Variants in SFMBT1 observed in about 807,000 individuals in gnomAD.
SFMBT1 encodes the protein Scm like with four mbt domains 1, also known as scm-like with four MBT domains protein 1.
In SFMBT1, 32 loss-of-function variants were observed where a neutral mutation model predicts 108.7. The ratio of observed to expected loss-of-function variants is 0.29; its 90% CI spans 0.22 to 0.40. The LOEUF is 0.40. Ranked by LOEUF, SFMBT1 falls within the 10% of genes least tolerant of loss-of-function variation. The probability of loss-of-function intolerance (pLI) is 1.00; values close to 1 mark genes in which losing one functional copy is unlikely to be tolerated. For synonymous variants in SFMBT1, 348 were observed against 369.5 expected, an observed-to-expected ratio of 0.94 and a Z score of 0.67; for missense variants, 816 against 1,059.6, an observed-to-expected ratio of 0.77 and a Z score of 3.19.
At chr3:52,917,757 G>C (rs978639406) in intron 13 of SFMBT1, among the ~76,000 whole-genome samples, 6 of 152,086 alleles carry the variant, frequency 3.9e-5, no homozygotes, top group Non-Finnish European at 7.4e-5. Flanking sequence ...ATGCCCCTTA[G>C]GATAATCTAA....
chr3:52,929,215 T>C (rs1700202286), intron 8 of SFMBT1, among the ~76,000 whole-genome samples: 1 of 152,122 alleles, frequency 6.6e-6, no homozygotes, highest in African/African-American at 2.4e-5. Flanking sequence ...CCTAGCCCAG[T>C]TTCAAATGCC....
intron 2 of SFMBT1, among the ~76,000 whole-genome samples, chr3:52,963,439 G>A (rs1035112891): frequency 2.6e-5 from 4 of 151,330 alleles, no homozygotes; most frequent in African/African-American, 9.7e-5. Flanking sequence ...ATTCCTTTAA[G>A]TAATGTTATT....
chr3:53,044,295 C>A (rs1167778903), intron 1 of SFMBT1, among the ~76,000 whole-genome samples: 2 of 152,102 alleles, frequency 1.3e-5, no homozygotes, highest in Non-Finnish European at 2.9e-5. Context: ...ACTGAAAGCA[C>A]CCCCAAACAT....
rs1036543756 is a variant in SFMBT1, at chr3:52,904,915, G to C, written c.*221C>G. The C allele has an allele frequency of 8.6e-6, 4 of 462,638 alleles. No homozygotes were observed. Among genetic ancestry groups the C allele is most frequent in the Middle Eastern group, 5.5e-4 (1 of 1,814 alleles). 28.7% of individuals were successfully genotyped at this position (462,638 alleles called of 1,614,324 possible). On this transcript the variant is annotated 3_prime_UTR_variant, in exon 21 of 21. Coordinates refer to ENST00000394752, the MANE Select transcript of SFMBT1 (RefSeq NM_016329.4). ...CTTTATTTTTTAAAAACTGCCATCT[G>C]CTGAACAAGAGATGTCCACATTTCC...
intron 4 of SFMBT1, among the ~76,000 whole-genome samples, chr3:52,940,799 A>G (rs763106075): frequency 6.6e-6 from 1 of 152,236 alleles, no homozygotes; most frequent in Non-Finnish European, 1.5e-5. Flanking sequence ...CTTTACGATG[A>G]AAAAACTTGG....
intron 1 of SFMBT1, among the ~76,000 whole-genome samples, chr3:53,011,150 G>A (rs953488491): frequency 2.6e-5 from 4 of 152,204 alleles, no homozygotes; most frequent in Non-Finnish European, 5.9e-5. Context: ...AGAGTTAACT[G>A]TGGGTCAAAA....
At chr3:52,964,833 T>C (rs1298955366) in intron 2 of SFMBT1, among the ~76,000 whole-genome samples, 3 of 152,190 alleles carry the variant, frequency 2.0e-5, no homozygotes, top group Admixed American at 6.5e-5. Context: ...TAGAATTTGA[T>C]CATCAAATGA....
chr3:52,938,359 T>C (rs1301748301), intron 4 of SFMBT1, among the ~76,000 whole-genome samples: 1 of 152,180 alleles, frequency 6.6e-6, no homozygotes, highest in Non-Finnish European at 1.5e-5. Context: ...GTAGTTTTTT[T>C]TACTATGTGA....
intron 15 of SFMBT1, 49 bp from the exon 16 acceptor site, chr3:52,912,696 G>T: frequency 7.3e-7 from 1 of 1,366,370 alleles, no homozygotes; most frequent in South Asian, 1.2e-5. Context: ...GAGAAAAGCA[G>T]ACCATTAGAA....
chr3:52,943,398 T>C lies in SFMBT1; in HGVS notation c.319A>G (p.Ile107Val). 1.2e-6 allele frequency: 2 copies of C among 1,614,214 alleles called. No individual in the cohort carries two copies. Among genetic ancestry groups the C allele is most frequent in the South Asian group, 1.1e-5 (1 of 91,090 alleles). Residue 107 changes from isoleucine (I) to valine (V), a missense_variant, in exon 4 of 21, where the codon ATT (isoleucine) becomes GTT (valine). Transcript: ENST00000394752. ...TTCTTATTCTGCTCACACCACCCAA[T>C]GGGGTAGAGATCAGCCTTCCTGATG... ...CDIRKADLYP[I>V]GWCEQNKKTL...
intron 1 of SFMBT1, among the ~76,000 whole-genome samples, chr3:53,039,433 T>TA (rs1477640856): frequency 6.6e-6 from 1 of 152,112 alleles, no homozygotes; most frequent in East Asian, 1.9e-4. Flanking sequence ...AGACAGAAAG[T>TA]AGAACAGTGG....
Position 52,932,230 on chromosome 3 carries a change from T to G in SFMBT1, c.532A>C (p.Ser178Arg). 1.2e-6 allele frequency: 2 copies of G among 1,614,192 alleles called. No homozygotes were observed. The highest frequency in any genetic ancestry group is 1.7e-6 in the Non-Finnish European group (2 of 1,180,032). Residue 178 changes from serine (S) to arginine (R), a missense_variant, in exon 6 of 21, where the codon AGC becomes CGC. This residue lies in a region of SFMBT1 where 495 missense variants were observed against 607.4 expected (regional missense o/e 0.81). Transcript: ENST00000394752. The part of the protein sequence containing the change: ...LECQAFQDSL[S>R]TWIVTVVENI... ...TCTACTACAGTAACAATCCAAGTGC[T>G]TAAAGAGTCCTGGAAAGCTTGACAT...
intron 1 of SFMBT1, among the ~76,000 whole-genome samples, chr3:52,969,884 T>C (rs1704277944): frequency 6.6e-6 from 1 of 152,152 alleles, no homozygotes; most frequent in Non-Finnish European, 1.5e-5. Context: ...AGAGGATTCC[T>C]TTGAGCCCAG....
At chr3:52,931,907 A>G (rs1257554772) in intron 6 of SFMBT1, among the ~76,000 whole-genome samples, 155 bp downstream of exon 6, 1 of 152,188 alleles carries the variant, frequency 6.6e-6, no homozygotes, top group Admixed American at 6.5e-5. Context: ...ATAGGCACTT[A>G]ATTTAACAAC....
chr3:52,947,032 A>C (rs185155336), intron 3 of SFMBT1, among the ~76,000 whole-genome samples: 6 of 151,976 alleles, frequency 3.9e-5, no homozygotes, highest in African/African-American at 7.3e-5. Context: ...TCAGCCTCCT[A>C]AAGTGCTGGG....
intron 1 of SFMBT1, among the ~76,000 whole-genome samples, chr3:52,979,071 C>T (rs1271583718): frequency 6.6e-6 from 1 of 152,032 alleles, no homozygotes; most frequent in Non-Finnish European, 1.5e-5. Context: ...AAACTGTAAA[C>T]TTTAAATAAG....
In SFMBT1 at chr3:52,951,126, A is replaced by AAAAAAAAAG. The variant is rs1553637540; in HGVS notation, c.123+3190_123+3191insCTTTTTTTT. 2.2e-5 allele frequency among the ~76,000 whole-genome samples: 3 copies of AAAAAAAAAG among 134,120 alleles called. No individual in the cohort carries two copies. In the Admixed American group the frequency reaches 2.6e-4, roughly 12 times the overall value. The allele number at this position is 134,120 out of a possible 152,430, so 88.0% of individuals were successfully genotyped here. A position where few individuals can be genotyped will look rare whatever the true frequency, so the allele number is the denominator to read the frequency against. On this transcript the variant is annotated intron_variant, in intron 3 of 20. Coordinates refer to ENST00000394752, the MANE Select transcript of SFMBT1 (RefSeq NM_016329.4). ...GCAAGACTCTTATCTTAAAAAAAAA[A>AAAAAAAAAG]AAAAAAGAAAAATCCAAGGTTTTCT...
chr3:53,036,430 G>C (rs551627535), intron 1 of SFMBT1, among the ~76,000 whole-genome samples: 28 of 152,362 alleles, frequency 1.8e-4, no homozygotes, highest in African/African-American at 6.7e-4. Context: ...GGCAATTGAA[G>C]AATAAGACCT....
At chr3:52,927,904 C>G (rs999802354) in intron 9 of SFMBT1, among the ~76,000 whole-genome samples, 1 of 152,180 alleles carries the variant, frequency 6.6e-6, no homozygotes, top group African/African-American at 2.4e-5. Flanking sequence ...GGAGCCAGCA[C>G]GAACCCAGGT....
Sources: allele counts gnomAD v4.1 joint callset (sites outside exome capture counted in the v4.1 genomes callset), GRCh38; gene constraint gnomAD v4.1.1; regional missense constraint gnomAD v4.1.1; transcripts MANE v1.5; gene names NCBI Gene and HGNC (gene_info 2026-07-23, HGNC 2026-07-21).